Variants in ZNF706 observed in about 807,000 individuals in gnomAD.
The protein encoded by ZNF706 is zinc finger protein 706.
A neutral mutation model predicts 9.2 loss-of-function variants in ZNF706; 4 were observed. The ratio of observed to expected loss-of-function variants is 0.43; its 90% CI spans 0.21 to 0.99. The LOEUF is 0.99. Among genes scored for constraint, ZNF706 ranks in the 50% least tolerant of loss-of-function variants. The pLI is 0.26. For missense variants in ZNF706, 27 were observed against 87.8 expected (o/e 0.31, Z 2.77); for synonymous variants, 28 against 27.3 (o/e 1.03, Z -0.08).
In ZNF706 at chr8:101,201,853, G is replaced by T; in HGVS notation, c.-2-110C>A. 2 of 1,173,072 alleles carry T rather than the reference G, an allele frequency of 1.7e-6. No homozygotes were observed. The highest frequency in any genetic ancestry group is 2.4e-6 in the Non-Finnish European group (2 of 849,658). 72.7% of individuals were successfully genotyped at this position (1,173,072 alleles called of 1,614,324 possible). ...GCCTTAAGTTTTATAGAAATATCTG[G>T]CAAATAAAAATTTATAGGTATTAAA... On this transcript the variant is annotated intron_variant, in intron 1 of 3. Transcript: ENST00000311212. This position sits in a 1 kb window ranked among gnomAD's most constrained non-coding sequence, Gnocchi z 4.5.
chr8:101,199,276 C>T, intron 3 of ZNF706, 37 bp from the exon 4 acceptor site: 1 of 699,584 alleles, frequency 1.4e-6, no homozygotes, highest in Non-Finnish European at 2.6e-6. Flanking sequence ...TGAATGTTAC[C>T]ATTGCACAAA....
intron 3 of ZNF706, 97 bp from the exon 4 acceptor site, chr8:101,199,336 A>T (rs530836018): frequency 2.5e-4 from 172 of 676,790 alleles, no homozygotes; most frequent in Non-Finnish European, 4.3e-4. Flanking sequence ...TATGAAGATA[A>T]TATCTGGTAA....
chr8:101,203,056 C>A (rs781432104), intron 1 of ZNF706: 16 of 152,088 alleles, frequency 1.1e-4, no homozygotes, highest in Non-Finnish European at 2.1e-4. Flanking sequence ...TCTTTGCTCT[C>A]TAGACGTTAG....
Position 101,201,391 on chromosome 8 carries a change from C to G in ZNF706, c.135+216G>C. The stretch of plus-strand genomic sequence containing the variant: ...GGAAAGCAATTTTGTTTTGTTCACT[C>G]TGTTTTCCCAGCACCTAGAGATTTT... On this transcript the variant is annotated intron_variant, in intron 2 of 3. Transcript: ENST00000311212. The surrounding 1 kb of genome is among the most constrained non-coding windows in gnomAD (Gnocchi z 4.5). The G allele has an allele frequency of 5.7e-6, 3 of 526,768 alleles. No homozygotes were observed. The highest frequency in any genetic ancestry group is 9.9e-6 in the Non-Finnish European group (3 of 301,630). The allele number at this position is 526,768 out of a possible 1,614,324, so 32.6% of individuals were successfully genotyped here. A position where few individuals can be genotyped will look rare whatever the true frequency, so the allele number is the denominator to read the frequency against.
At chr8:101,203,225 TAA>T (rs1368095214) in intron 1 of ZNF706, 1 of 152,222 alleles carries the variant, frequency 6.6e-6, no homozygotes, top group Non-Finnish European at 1.5e-5. Flanking sequence ...CCATTTAAAT[TAA>T]AGGCTTTTAT....
rs992802336 is a variant in ZNF706, at chr8:101,197,801, C to CT, written c.*1450dup. 1 of 152,142 alleles carries CT rather than the reference C, an allele frequency of 6.6e-6. No homozygotes were observed. The highest frequency in any genetic ancestry group is 2.4e-5 in the African/African-American group (1 of 41,440). 9.4% of individuals were successfully genotyped at this position (152,142 alleles called of 1,614,324 possible). ...CATAAGAATAGGAATTGCTAAGAAA[C>CT]TATCAGCCCTGAAGCTTTTCCTTGG... On this transcript the variant is annotated 3_prime_UTR_variant, in exon 4 of 4. Coordinates refer to ENST00000311212, the MANE Select transcript of ZNF706 (RefSeq NM_016096.5).
Position 101,197,085 on chromosome 8 carries a change from A to C in ZNF706, c.*2167T>G, listed in dbSNP as rs1431803917. The C allele has an allele frequency of 1.3e-5, 2 of 152,224 alleles. No homozygotes were observed. The highest frequency in any genetic ancestry group is 4.8e-5 in the African/African-American group (2 of 41,462). The allele number at this position is 152,224 out of a possible 1,614,324, so 9.4% of individuals were successfully genotyped here. On this transcript the variant is annotated 3_prime_UTR_variant, in exon 4 of 4. Coordinates refer to ENST00000311212, the MANE Select transcript of ZNF706 (RefSeq NM_016096.5). ...AATATCTTCTTTAATAAGACATTAC[A>C]GCACACAACTGAGCCCCCAGTGTGT... is the stretch of plus-strand genomic sequence containing the variant.
intron 1 of ZNF706, chr8:101,204,826 T>C (rs1229344769): frequency 1.5e-5 from 15 of 985,244 alleles, no homozygotes; most frequent in African/African-American, 3.5e-5. Flanking sequence ...GGATTTTGGG[T>C]CCAGGAAGTA....
At chr8:101,199,292 C>A (rs1364277669) in intron 3 of ZNF706, 53 bp from the exon 4 acceptor site, 35 of 696,512 alleles carry the variant, frequency 5.0e-5, no homozygotes, top group Non-Finnish European at 8.6e-5. Flanking sequence ...ACAAATGCAA[C>A]TTACATGCAT....
chr8:101,204,475 T>G (rs745714766), intron 1 of ZNF706: 44 of 267,806 alleles, frequency 1.6e-4, no homozygotes, highest in Non-Finnish European at 2.4e-4. Flanking sequence ...ACACGCCCCA[T>G]CGATTTCCTT....
rs923259206 is a variant in ZNF706 at position 101,198,422 on chromosome 8, A to G, written c.*830T>C. On this transcript the variant is annotated 3_prime_UTR_variant, in exon 4 of 4. Transcript: ENST00000311212. ...CAATTTCAAATTAAAGAACTTCAAG[A>G]ATTTTCAAAGAATATAGTATCAAGA... is the stretch of plus-strand genomic sequence containing the variant. 13 of 152,212 alleles carry G rather than the reference A, an allele frequency of 8.5e-5. No individual in the cohort carries two copies. The highest frequency in any genetic ancestry group is 3.1e-4 in the African/African-American group (13 of 41,460). 9.4% of individuals were successfully genotyped at this position (152,212 alleles called of 1,614,324 possible). A position where few individuals can be genotyped will look rare whatever the true frequency, so the allele number is the denominator to read the frequency against.
At chr8:101,199,515 T>C (rs1810482792) in intron 3 of ZNF706, among the ~76,000 whole-genome samples, 1 of 152,174 alleles carries the variant, frequency 6.6e-6, no homozygotes, top group Non-Finnish European at 1.5e-5. Flanking sequence ...TATAAACAAA[T>C]TTATATAGCA....
At position 101,205,532 on chromosome 8, in the gene ZNF706, C is replaced by G. The variant is rs1174072148; in HGVS notation, c.-100G>C. ...GGAAGGGGGAGCGCGCCCAGCACCG[C>G]TTGGGCCTCCTCCACCCGCTCAGGA... is the stretch of plus-strand genomic sequence containing the variant. On this transcript the variant is annotated 5_prime_UTR_variant, in exon 1 of 4. Transcript: ENST00000311212. This position sits in a 1 kb window ranked among gnomAD's most constrained non-coding sequence, Gnocchi z 6.6. 6.4e-6 allele frequency: 1 copy of G among 156,490 alleles called. No individual in the cohort carries two copies. Among genetic ancestry groups the G allele is most frequent in the African/African-American group, 2.4e-5 (1 of 41,426 alleles). 9.7% of individuals were successfully genotyped at this position (156,490 alleles called of 1,614,324 possible). A position where few individuals can be genotyped will look rare whatever the true frequency, so the allele number is the denominator to read the frequency against.
At chr8:101,200,445 T>C in intron 2 of ZNF706, among the ~76,000 whole-genome samples, 1 of 152,208 alleles carries the variant, frequency 6.6e-6, no homozygotes, top group East Asian at 1.9e-4. Flanking sequence ...TCATTTTACC[T>C]GATAAGGAAA....
In ZNF706 at chr8:101,199,046, A is replaced by C. The variant is rs1045320752; in HGVS notation, c.*206T>G. 6.7e-6 allele frequency: 3 copies of C among 446,608 alleles called. No individual in the cohort carries two copies. Among genetic ancestry groups the C allele is most frequent in the African/African-American group, 5.9e-5 (3 of 50,714 alleles). The allele number at this position is 446,608 out of a possible 1,614,324, so 27.7% of individuals were successfully genotyped here. ...TTATAACAAGGATGGACTGATTTTC[A>C]TATTTCCAAATCAGAGTCAACTGTA... On this transcript the variant is annotated 3_prime_UTR_variant, in exon 4 of 4. Coordinates refer to ENST00000311212, the MANE Select transcript of ZNF706 (RefSeq NM_016096.5).
At chr8:101,206,065 G>A (rs974476142), upstream of ZNF706, 2 of 152,166 alleles carry the variant, frequency 1.3e-5, no homozygotes, top group Admixed American at 6.5e-5. Flanking sequence ...CTCCCAGGCT[G>A]ACGCGCCCGT....
intron 3 of ZNF706, among the ~76,000 whole-genome samples, 162 bp downstream of exon 3, chr8:101,199,827 GA>G (rs147664268): frequency 0.01 from 1,551 of 152,302 alleles, 19 homozygotes; most frequent in Non-Finnish European, 0.014. Flanking sequence ...GCATTGAAAG[GA>G]AATAGTCTGA....
rs761754820 is a variant in ZNF706, at chr8:101,198,980, C to A, written c.*272G>T. ...ATTTTATTAAATGAGTTATTTTACA[C>A]AATATGAACATCAATATAATTACAA... is the stretch of plus-strand genomic sequence containing the variant. On this transcript the variant is annotated 3_prime_UTR_variant, in exon 4 of 4. Transcript: ENST00000311212. 7 of 388,054 alleles carry A rather than the reference C, an allele frequency of 1.8e-5. No individual in the cohort carries two copies. Among genetic ancestry groups the A allele is most frequent in the Non-Finnish European group, 2.7e-5 (6 of 218,516 alleles). The allele number at this position is 388,054 out of a possible 1,614,324, so 24.0% of individuals were successfully genotyped here. A position where few individuals can be genotyped will look rare whatever the true frequency, so the allele number is the denominator to read the frequency against.
At position 101,205,029 on chromosome 8, in the gene ZNF706, G is replaced by A; in HGVS notation, c.-3+406C>T. The A allele has an allele frequency of 1.2e-6, 1 of 813,524 alleles. No homozygotes were observed. Among genetic ancestry groups the A allele is most frequent in the Non-Finnish European group, 1.5e-6 (1 of 673,282 alleles). 50.4% of individuals were successfully genotyped at this position (813,524 alleles called of 1,614,324 possible). On this transcript the variant is annotated intron_variant, in intron 1 of 3. Transcript: ENST00000311212. The surrounding 1 kb of genome is among the most constrained non-coding windows in gnomAD (Gnocchi z 6.6). ...TTCCCAAACCCGCCTCTCCCGCCTC[G>A]GAGACCCCCTCCTCCTCCCTGCCAC...
Sources: gnomAD v4.1 joint callset for allele counts (sites outside exome capture counted in the v4.1 genomes callset) on GRCh38, gnomAD v4.1.1 for gene constraint, Gnocchi (gnomAD v3.1) non-coding constraint, MANE v1.5 for transcripts, NCBI Gene and HGNC (gene_info 2026-07-23, HGNC 2026-07-21) for gene names.